ANKS1A: variants seen among roughly 807,000 people sequenced by gnomAD.
ANKS1A encodes ankyrin repeat and sterile alpha motif domain containing 1A.
A neutral mutation model predicts 120.3 loss-of-function variants in ANKS1A; 55 were observed. The observed-to-expected ratio is 0.46, with a 90% CI of 0.37 to 0.57. The LOEUF is 0.57. Ranked by LOEUF, ANKS1A falls within the 20% of genes least tolerant of loss-of-function variation. The pLI, the probability that ANKS1A is intolerant of heterozygous loss-of-function variation, is 0.00. For synonymous variants in ANKS1A, 590 were observed against 604.7 expected (o/e 0.98, Z 0.36); for missense variants, 1,123 against 1,480.3 (o/e 0.76, Z 3.96).
At chr6:35,077,400 A>G (rs1320392692) in intron 13 of ANKS1A, among the ~76,000 whole-genome samples, 1 of 152,174 alleles carries the variant, frequency 6.6e-6, no homozygotes, top group African/African-American at 2.4e-5. Context: ...CTGCGGAACA[A>G]TCTCCTGTGT....
intron 1 of ANKS1A, among the ~76,000 whole-genome samples, chr6:34,891,906 C>A (rs888420701): frequency 6.6e-6 from 1 of 152,224 alleles, no homozygotes; most frequent in African/African-American, 2.4e-5. Flanking sequence ...GGATTACAGG[C>A]GTGAGCCACC....
At position 34,981,289 on chromosome 6, in the gene ANKS1A, G is replaced by C. The variant is rs374390069; in HGVS notation, c.436-401G>C. On this transcript the variant is annotated intron_variant, in intron 3 of 23. Coordinates refer to ENST00000360359, the MANE Select transcript of ANKS1A (RefSeq NM_015245.3). ...GACAAATCCAGAATCAGAACCATAG[G>C]GTTGAATGCCTACAAATTGTAAAAC... 6.0e-4 allele frequency among the ~76,000 whole-genome samples: 91 copies of C among 152,268 alleles called. 3 individuals carry two copies. The South Asian group carries it at 0.012, about 21-fold the overall frequency.
chr6:34,997,484 C>T lies in ANKS1A; in HGVS notation c.1423+3062C>T, dbSNP rs531575357. ...CTGCTGGGATTACAGGTGTGAGGCA[C>T]CAAGCCTGGCCATATTGGTAGATTT... is the stretch of plus-strand genomic sequence containing the variant. On this transcript the variant is annotated intron_variant, in intron 10 of 23. Transcript: ENST00000360359. Among the ~76,000 whole-genome samples, 20 of 152,184 alleles carry T rather than the reference C, an allele frequency of 1.3e-4. No individual in the cohort carries two copies. In the South Asian group the frequency reaches 4.1e-3, roughly 32 times the overall value.
intron 16 of ANKS1A, 51 bp from the exon 17 acceptor site, chr6:35,080,943 C>T (rs745867900): frequency 2.3e-5 from 37 of 1,583,192 alleles, no homozygotes; most frequent in East Asian, 1.8e-4. Context: ...TACCTGTAGT[C>T]GGGCACTGGG....
intron 9 of ANKS1A, among the ~76,000 whole-genome samples, chr6:34,993,933 GA>G (rs1772709265): frequency 6.6e-6 from 1 of 152,168 alleles, no homozygotes; most frequent in South Asian, 2.1e-4. Context: ...AGCATTTTTT[GA>G]AGACTAAAAT....
intron 13 of ANKS1A, among the ~76,000 whole-genome samples, chr6:35,075,418 T>C (rs1318795008): frequency 1.3e-5 from 2 of 148,720 alleles, no homozygotes; most frequent in South Asian, 2.2e-4. Context: ...TAATTTTCTT[T>C]TTTTTTTTTT....
At chr6:34,928,371 C>T (rs771188805) in intron 1 of ANKS1A, among the ~76,000 whole-genome samples, 2 of 152,136 alleles carry the variant, frequency 1.3e-5, no homozygotes, top group Non-Finnish European at 2.9e-5. Flanking sequence ...GTCAGGAGCA[C>T]TCTGTCACGG....
At chr6:34,897,907 A>G (rs2127444857) in intron 1 of ANKS1A, among the ~76,000 whole-genome samples, 1 of 152,328 alleles carries the variant, frequency 6.6e-6, no homozygotes, top group East Asian at 1.9e-4. Context: ...TGGTGAGGAC[A>G]TACTATGGTG....
intron 13 of ANKS1A, among the ~76,000 whole-genome samples, chr6:35,064,791 C>T (rs1005320898): frequency 6.6e-6 from 1 of 152,206 alleles, no homozygotes; most frequent in African/African-American, 2.4e-5. Context: ...TCTCCCCAGC[C>T]CCCACCTCCA....
At chr6:34,995,467 G>C (rs1772801342) in intron 10 of ANKS1A, among the ~76,000 whole-genome samples, 1 of 151,938 alleles carries the variant, frequency 6.6e-6, no homozygotes, top group East Asian at 1.9e-4. Context: ...TTGGTGTGTA[G>C]TTCTGTGAAT....
chr6:35,049,517 G>T (rs144663507), intron 11 of ANKS1A, among the ~76,000 whole-genome samples: 2 of 152,300 alleles, frequency 1.3e-5, no homozygotes, highest in African/African-American at 4.8e-5. Flanking sequence ...CATCAGTGCC[G>T]AGTGGAAGAG....
chr6:34,897,766 T>G (rs1410299382), intron 1 of ANKS1A, among the ~76,000 whole-genome samples: 2 of 152,228 alleles, frequency 1.3e-5, no homozygotes, highest in Non-Finnish European at 2.9e-5. Flanking sequence ...TCAAGTTTGT[T>G]TAGTTTACAA....
chr6:34,918,964 A>G (rs1581692428), intron 1 of ANKS1A, among the ~76,000 whole-genome samples: 1 of 151,990 alleles, frequency 6.6e-6, no homozygotes, highest in East Asian at 1.9e-4. Flanking sequence ...CGATTCTCCC[A>G]CCTCAGCCTC....
At chr6:35,071,346 TG>T (rs1777076703) in intron 13 of ANKS1A, among the ~76,000 whole-genome samples, 1 of 152,144 alleles carries the variant, frequency 6.6e-6, no homozygotes, top group African/African-American at 2.4e-5. Flanking sequence ...GAAATATATT[TG>T]GGGGTAAAAT....
chr6:35,058,232 G>A lies in ANKS1A; in HGVS notation c.2078-1915G>A, dbSNP rs1776307199. ...AGGACTGTGGAGCCAGCAGCAGGCA[G>A]CGTGGAGCCCAGGAGCCTTTAGACA... On this transcript the variant is annotated intron_variant, in intron 12 of 23. Transcript: ENST00000360359. The surrounding 1 kb of genome is among the most constrained non-coding windows in gnomAD (Gnocchi z 5.1). 6.6e-6 allele frequency: 1 copy of A among 152,534 alleles called. No homozygotes were observed. Among genetic ancestry groups the A allele is most frequent in the African/African-American group, 2.4e-5 (1 of 41,462 alleles). 9.4% of individuals were successfully genotyped at this position (152,534 alleles called of 1,614,324 possible).
chr6:35,079,400 C>A (rs117146751), intron 14 of ANKS1A, 116 bp from the exon 15 acceptor site: 3 of 1,359,718 alleles, frequency 2.2e-6, no homozygotes, highest in Non-Finnish European at 3.0e-6. Context: ...GCTGAGGACC[C>A]CAAACACAGA....
chr6:35,083,627 C>A (rs1777804907), intron 20 of ANKS1A, 124 bp downstream of exon 20: 4 of 874,014 alleles, frequency 4.6e-6, no homozygotes, highest in Non-Finnish European at 7.4e-6. Context: ...GGTCCCCAGT[C>A]CTCTTATTAC....
At chr6:35,038,445 C>T (rs965987790) in intron 11 of ANKS1A, among the ~76,000 whole-genome samples, 8 of 152,038 alleles carry the variant, frequency 5.3e-5, no homozygotes, top group African/African-American at 1.9e-4. Flanking sequence ...GATTGCCAAC[C>T]ACCTTTATTC....
Position 35,090,342 on chromosome 6 carries a change from A to C in ANKS1A, c.*1733A>C. ...AGTAGACTGCGCTGCCACTGCGCAC[A>C]TGCTGGTGCCCGTCTTCCTCCTAAG... is the stretch of plus-strand genomic sequence containing the variant. On this transcript the variant is annotated 3_prime_UTR_variant, in exon 24 of 24. Transcript: ENST00000360359. 7.9e-7 allele frequency: 1 copy of C among 1,272,558 alleles called. No homozygotes were observed. Among genetic ancestry groups the C allele is most frequent in the Non-Finnish European group, 1.0e-6 (1 of 977,884 alleles). The allele number at this position is 1,272,558 out of a possible 1,614,324, so 78.8% of individuals were successfully genotyped here.
Sources: allele counts gnomAD v4.1 joint callset (sites outside exome capture counted in the v4.1 genomes callset), GRCh38; gene constraint gnomAD v4.1.1; non-coding constraint Gnocchi (gnomAD v3.1); transcripts MANE v1.5; gene names NCBI Gene and HGNC (gene_info 2026-07-23, HGNC 2026-07-21).